The following TNFRSF11A variants were observed in gnomAD, a reference collection of about 807,000 sequenced individuals.
The protein encoded by TNFRSF11A is tumor necrosis factor receptor superfamily member 11A.
In TNFRSF11A, 32 loss-of-function variants were observed where a neutral mutation model predicts 55.7. That is an observed-to-expected ratio of 0.57 (90% CI 0.43 to 0.77). The LOEUF (loss-of-function observed/expected upper bound fraction) is 0.77. Among genes scored for constraint, TNFRSF11A ranks in the 30% least tolerant of loss-of-function variants. The pLI, the probability that TNFRSF11A is intolerant of heterozygous loss-of-function variation, is 0.00. For synonymous variants in TNFRSF11A, 311 were observed against 331.0 expected, an observed-to-expected ratio of 0.94 and a Z score of 0.65; for missense variants, 753 against 809.8, an observed-to-expected ratio of 0.93 and a Z score of 0.85.
intron 2 of TNFRSF11A, 138 bp from the exon 3 acceptor site, chr18:62,349,674 T>C: frequency 1.0e-6 from 1 of 980,042 alleles, no homozygotes; most frequent in East Asian, 2.6e-5. Flanking sequence ...ATATTGTCTT[T>C]GGGGGGTGTC....
At chr18:62,362,055 T>G (rs1909727485) in intron 7 of TNFRSF11A, among the ~76,000 whole-genome samples, 1 of 152,178 alleles carries the variant, frequency 6.6e-6, no homozygotes, top group Non-Finnish European at 1.5e-5. Flanking sequence ...TGTATTTGAG[T>G]TGTGTAGACT....
At chr18:62,349,961 C>T in intron 3 of TNFRSF11A, 24 bp downstream of exon 3, 1 of 1,613,352 alleles carries the variant, frequency 6.2e-7, no homozygotes, top group South Asian at 1.1e-5. Context: ...GTCAGTGTGT[C>T]AGTGGGAAGT....
At chr18:62,326,283 C>G (rs1198413853) in intron 1 of TNFRSF11A, among the ~76,000 whole-genome samples, 1 of 152,128 alleles carries the variant, frequency 6.6e-6, no homozygotes, top group African/African-American at 2.4e-5. Context: ...CAGCCGGGCA[C>G]GGAACCCGGA....
chr18:62,378,575 G>C lies in TNFRSF11A; in HGVS notation c.1568-6176G>C, dbSNP rs116617928. On this transcript the variant is annotated intron_variant, in intron 9 of 9. Transcript: ENST00000586569. Reference sequence around the variant, plus strand: ...CACGGATATTACTTTCTGGGAGGAGGAATGCCACCATTGCACCTGTGACTG... The same window carrying C: ...CACGGATATTACTTTCTGGGAGGAGCAATGCCACCATTGCACCTGTGACTG... Among the ~76,000 whole-genome samples the C allele has an allele frequency of 7.7e-3, 1,178 of 152,274 alleles. 11 individuals are homozygous for C. Among genetic ancestry groups the C allele is most frequent in the African/African-American group, 0.027 (1,124 of 41,548 alleles).
chr18:62,326,495 A>C (rs1183876504), intron 1 of TNFRSF11A, among the ~76,000 whole-genome samples: 1 of 152,220 alleles, frequency 6.6e-6, no homozygotes. Flanking sequence ...TAAGCACTTC[A>C]GGTGTTGCTT....
intron 5 of TNFRSF11A, 148 bp downstream of exon 5, chr18:62,358,489 A>G: frequency 1.3e-6 from 1 of 770,362 alleles, no homozygotes; most frequent in Non-Finnish European, 2.2e-6. Context: ...CTGTCAATTC[A>G]GCCTGGGGAA....
At chr18:62,331,230 TAAATA>T (rs2046148229) in intron 1 of TNFRSF11A, among the ~76,000 whole-genome samples, 1 of 29,836 alleles carries the variant, frequency 3.4e-5, no homozygotes, top group Admixed American at 3.7e-4. Flanking sequence ...AAATAGTAAA[TAAATA>T]AATAAATAAA....
chr18:62,385,054 GC>G lies in TNFRSF11A; in HGVS notation c.*23del. 6.8e-7 allele frequency: 1 copy of G among 1,460,902 alleles called. No homozygotes were observed. Among genetic ancestry groups the G allele is most frequent in the Non-Finnish European group, 9.0e-7 (1 of 1,115,828 alleles). The allele number at this position is 1,460,902 out of a possible 1,614,324, so 90.5% of individuals were successfully genotyped here. ...GCTTGAGCGCCCCCCATGGCTGGGA[GC>G]CCGAAGCTCGGAGCCAGGGCTCGCG... is the stretch of plus-strand genomic sequence containing the variant. On this transcript the variant is annotated 3_prime_UTR_variant, in exon 10 of 10. Transcript: ENST00000586569.
At chr18:62,342,308 G>A (rs1200892860) in intron 1 of TNFRSF11A, among the ~76,000 whole-genome samples, 1 of 148,458 alleles carries the variant, frequency 6.7e-6, no homozygotes, top group African/African-American at 2.5e-5. Flanking sequence ...AGGCTGAGGT[G>A]GGAGAATCTC....
chr18:62,384,195 A>G (rs1272458213), intron 9 of TNFRSF11A, among the ~76,000 whole-genome samples: 1 of 152,084 alleles, frequency 6.6e-6, no homozygotes. Context: ...CAAATGGTAA[A>G]GCATGAGTCT....
At chr18:62,367,832 C>T (rs1269232998) in intron 8 of TNFRSF11A, among the ~76,000 whole-genome samples, 1 of 117,048 alleles carries the variant, frequency 8.5e-6, no homozygotes, top group Non-Finnish European at 1.6e-5. Context: ...CTCACTCTCT[C>T]ATCCAGGCTT....
At chr18:62,359,907 A>G (rs1177177082) in intron 5 of TNFRSF11A, 48 bp from the exon 6 acceptor site, 1 of 1,556,618 alleles carries the variant, frequency 6.4e-7, no homozygotes, top group Non-Finnish European at 8.9e-7. Flanking sequence ...CACTTTTTAA[A>G]AAACAAGCTT....
chr18:62,327,976 T>C (rs960479486), intron 1 of TNFRSF11A, among the ~76,000 whole-genome samples: 1 of 152,368 alleles, frequency 6.6e-6, no homozygotes, highest in East Asian at 1.9e-4. Context: ...GCACACTGTT[T>C]TCATTAAGGT....
At chr18:62,349,427 C>T (rs1033233007) in intron 2 of TNFRSF11A, among the ~76,000 whole-genome samples, 34 of 152,172 alleles carry the variant, frequency 2.2e-4, no homozygotes, top group African/African-American at 7.7e-4. Flanking sequence ...GTGATCCGCC[C>T]GTCTCCGCCT....
chr18:62,384,940 C>T lies in TNFRSF11A; in HGVS notation c.1757C>T (p.Pro586Leu), dbSNP rs1222597099. 4.2e-5 allele frequency: 65 copies of T among 1,539,034 alleles called. No homozygotes were observed. Among genetic ancestry groups the T allele is most frequent in the Non-Finnish European group, 5.2e-5 (60 of 1,144,830 alleles). ...CGAGACTCCTTCGCGGGGAACGGCC[C>T]GCGCTTCCCGGACCCGTGCGGCGGC... ...ARRDSFAGNG[P>L]RFPDPCGGPE... The change falls in exon 10 of 10, where the codon CCG (proline) becomes CTG (leucine). Residue 586 changes from proline to leucine, a missense_variant. By Grantham distance (98) the Pro-to-Leu change is moderately conservative. This residue lies in a region of TNFRSF11A where 567 missense variants were observed against 596.7 expected (regional missense o/e 0.95). Transcript: ENST00000586569.
In TNFRSF11A at chr18:62,350,386, A is replaced by G. The variant is rs994147499; in HGVS notation, c.283+449A>G. Among the ~76,000 whole-genome samples, 4 of 152,064 alleles carry G rather than the reference A, an allele frequency of 2.6e-5. No homozygotes were observed. The East Asian group carries it at 5.8e-4, about 22-fold the overall frequency. Reference sequence around the variant, plus strand: ...CAGCTCACTGCAAGCTCTGCCTCCCAGGTTCATGCCATTCTCCTGCCTCAG... The same window carrying G: ...CAGCTCACTGCAAGCTCTGCCTCCCGGGTTCATGCCATTCTCCTGCCTCAG... On this transcript the variant is annotated intron_variant, in intron 3 of 9. Transcript: ENST00000586569.
At chr18:62,337,118 A>C (rs1222697051) in intron 1 of TNFRSF11A, among the ~76,000 whole-genome samples, 1 of 152,182 alleles carries the variant, frequency 6.6e-6, no homozygotes, top group Non-Finnish European at 1.5e-5. Context: ...ATATGTCAGG[A>C]CTTCTAATCA....
chr18:62,376,028 C>T (rs944716675), intron 9 of TNFRSF11A, among the ~76,000 whole-genome samples: 2 of 152,144 alleles, frequency 1.3e-5, no homozygotes, highest in African/African-American at 4.8e-5. Context: ...GGAGAATCCT[C>T]AGTGTGTCAC....
At chr18:62,344,829 A>T (rs1327166872) in intron 1 of TNFRSF11A, among the ~76,000 whole-genome samples, 1 of 152,228 alleles carries the variant, frequency 6.6e-6, no homozygotes, top group African/African-American at 2.4e-5. Flanking sequence ...CCGTTCATTC[A>T]TGCACACAAA....
Sources: allele counts gnomAD v4.1 joint callset (sites outside exome capture counted in the v4.1 genomes callset), GRCh38; gene constraint gnomAD v4.1.1; regional missense constraint gnomAD v4.1.1; transcripts MANE v1.5; gene names NCBI Gene and HGNC (gene_info 2026-07-23, HGNC 2026-07-21).